Variants in TEKT4 observed in about 807,000 individuals in gnomAD.
TEKT4 encodes tektin 4.
A neutral mutation model predicts 46.0 loss-of-function variants in TEKT4; 46 were observed. The ratio of observed to expected loss-of-function variants is 1.00; its 90% CI spans 0.79 to 1.28. The LOEUF is 1.28. TEKT4 is among the 50% of genes most tolerant of loss of function. The pLI is 0.00. For missense variants in TEKT4, 790 were observed against 622.9 expected (o/e 1.27, Z -2.85); for synonymous variants, 325 against 265.8 (o/e 1.22, Z -2.17).
chr2:94,873,598 GAGGGCTGCCCA>G lies in TEKT4; in HGVS notation c.569+13_569+23del, dbSNP rs1558605968. 6.2e-7 allele frequency: 1 copy of G among 1,613,632 alleles called. No homozygotes were observed. Among genetic ancestry groups the G allele is most frequent in the Admixed American group, 1.7e-5 (1 of 60,026 alleles). On this transcript the variant is annotated intron_variant, in intron 2 of 5. Coordinates refer to ENST00000295201, the MANE Select transcript of TEKT4 (RefSeq NM_144705.4). The stretch of plus-strand genomic sequence containing the variant: ...AGCAGTGAGCCAGATCCGGTGGGTA[GAGGGCTGCCCA>G]AGGGATGATTCCTGACCCTACCCAC...
chr2:94,873,933 A>T, intron 2 of TEKT4, 32 bp from the exon 3 acceptor site: 1 of 1,555,966 alleles, frequency 6.4e-7, no homozygotes, highest in South Asian at 1.1e-5. Context: ...CTCCCTGGGC[A>T]CACATCAAGG....
chr2:94,876,699 T>C lies in TEKT4; in HGVS notation c.1238T>C (p.Ile413Thr). The change falls in exon 6 of 6, where the codon ATC (isoleucine) becomes ACC (threonine). Residue 413 changes from isoleucine to threonine, a missense_variant. Coordinates refer to ENST00000295201, the MANE Select transcript of TEKT4 (RefSeq NM_144705.4). ...GCCGCCATGACCAACAGTCTCTTCA[T>C]CGACCGCCAGAAGTGCATGGCCCAT... ...DIAAMTNSLF[I>T]DRQKCMAHRT... 6.2e-7 allele frequency: 1 copy of C among 1,612,944 alleles called. No homozygotes were observed. The highest frequency in any genetic ancestry group is 1.1e-5 in the South Asian group (1 of 91,072).
intron 1 of TEKT4, chr2:94,872,840 G>A: frequency 7.8e-7 from 1 of 1,289,264 alleles, no homozygotes; most frequent in Non-Finnish European, 1.0e-6. Flanking sequence ...CACTCTCTCA[G>A]TGCCTCAAGA....
rs782381131 is a variant in TEKT4, at chr2:94,876,700, C to T, written c.1239C>T (p.Ile413=). ...DIAAMTNSLF[I]DRQKCMAHRT... is the part of the protein sequence containing the mutation. ...CCGCCATGACCAACAGTCTCTTCATCGACCGCCAGAAGTGCATGGCCCATC... is the reference window on the plus strand; with the variant it reads ...CCGCCATGACCAACAGTCTCTTCATTGACCGCCAGAAGTGCATGGCCCATC... Residue 413 remains isoleucine, a synonymous_variant, in exon 6 of 6, where the codon ATC becomes ATT. Coordinates refer to ENST00000295201, the MANE Select transcript of TEKT4 (RefSeq NM_144705.4). The T allele has an allele frequency of 8.1e-6, 13 of 1,612,730 alleles. No individual in the cohort carries two copies. In the East Asian group the frequency reaches 1.3e-4, roughly 17 times the overall value.
At chr2:94,873,733 A>C in intron 2 of TEKT4, 143 bp downstream of exon 2, 1 of 1,280,578 alleles carries the variant, frequency 7.8e-7, no homozygotes, top group South Asian at 1.4e-5. Context: ...TGGGTGGGGG[A>C]GGTTCCGGCG....
In TEKT4 at chr2:94,874,042, G is replaced by A; in HGVS notation, c.647G>A (p.Cys216Tyr). Residue 216 changes from cysteine (C) to tyrosine (Y), a missense_variant, in exon 3 of 6, where the codon TGC (cysteine) becomes TAC (tyrosine). By Grantham distance (194) the Cys-to-Tyr change is radical. Transcript: ENST00000295201. ...GAGGCCTACAACATCGACGAGACCT[G>A]CGGGCGCCACCACAGCCAGAGCACC... is the stretch of plus-strand genomic sequence containing the variant. ...KMEAYNIDET[C>Y]GRHHSQSTEV... 1 of 1,613,810 alleles carries A rather than the reference G, an allele frequency of 6.2e-7. No individual in the cohort carries two copies. Among genetic ancestry groups the A allele is most frequent in the Non-Finnish European group, 8.5e-7 (1 of 1,179,992 alleles).
Position 94,872,097 on chromosome 2 carries a change from G to C in TEKT4, c.498+20G>C. 1 of 1,518,612 alleles carries C rather than the reference G, an allele frequency of 6.6e-7. No homozygotes were observed. Among genetic ancestry groups the C allele is most frequent in the Non-Finnish European group, 8.8e-7 (1 of 1,133,686 alleles). The allele number at this position is 1,518,612 out of a possible 1,614,324, so 94.1% of individuals were successfully genotyped here. A position where few individuals can be genotyped will look rare whatever the true frequency, so the allele number is the denominator to read the frequency against. Reference sequence around the variant, plus strand: ...CTGAAGGTGCCAGCACCCTTGGGTGGCCGGGATTTGTGGGCGCAGAGAGGA... The same window carrying C: ...CTGAAGGTGCCAGCACCCTTGGGTGCCCGGGATTTGTGGGCGCAGAGAGGA... On this transcript the variant is annotated intron_variant, in intron 1 of 5. Coordinates refer to ENST00000295201, the MANE Select transcript of TEKT4 (RefSeq NM_144705.4).
In TEKT4 at chr2:94,876,552, G is replaced by C; in HGVS notation, c.1092-1G>C. Reference sequence around the variant, plus strand: ...GGCTCACACCCCCCCAACACCCCCAGGCTGTTGAGTGAGGTGGAGGAGCTG... The same window carrying C: ...GGCTCACACCCCCCCAACACCCCCACGCTGTTGAGTGAGGTGGAGGAGCTG... On this transcript the variant is annotated splice_acceptor_variant, in intron 5 of 5. Coordinates refer to ENST00000295201, the MANE Select transcript of TEKT4 (RefSeq NM_144705.4). LOFTEE classifies it high-confidence loss of function. 1 of 1,603,496 alleles carries C rather than the reference G, an allele frequency of 6.2e-7. No homozygotes were observed.
chr2:94,876,647 A>G lies in TEKT4; in HGVS notation c.1186A>G (p.Ile396Val). 6.2e-7 allele frequency: 1 copy of G among 1,613,470 alleles called. No individual in the cohort carries two copies. ...AEQSLRNLED[I>V]HMSLEKDIAA... Reference sequence around the variant, plus strand: ...GCAGTCCCTGCGCAACCTCGAGGACATCCACATGAGCCTGGAGAAGGACAT... The same window carrying G: ...GCAGTCCCTGCGCAACCTCGAGGACGTCCACATGAGCCTGGAGAAGGACAT... Residue 396 changes from isoleucine to valine, a missense_variant, in exon 6 of 6, where the codon ATC becomes GTC. Physicochemically the swap from Ile to Val is conservative, Grantham distance 29. Transcript: ENST00000295201.
rs1558604206 is a variant in TEKT4 at position 94,872,084 on chromosome 2, G to C, written c.498+7G>C. ...GGAAACGGAGCTGCTGAAGGTGCCA[G>C]CACCCTTGGGTGGCCGGGATTTGTG... On this transcript the variant is annotated splice_region_variant and intron_variant, in intron 1 of 5. Coordinates refer to ENST00000295201, the MANE Select transcript of TEKT4 (RefSeq NM_144705.4). 6.5e-7 allele frequency: 1 copy of C among 1,532,094 alleles called. No homozygotes were observed. The highest frequency in any genetic ancestry group is 2.0e-5 in the Admixed American group (1 of 50,464). 94.9% of individuals were successfully genotyped at this position (1,532,094 alleles called of 1,614,324 possible).
intron 1 of TEKT4, 102 bp downstream of exon 1, chr2:94,872,179 G>A (rs1348150285): frequency 1.8e-5 from 25 of 1,409,108 alleles, no homozygotes; most frequent in Admixed American, 1.2e-4. Context: ...GCAAGCACGC[G>A]GGAGCCCAGC....
intron 5 of TEKT4, 64 bp from the exon 6 acceptor site, chr2:94,876,489 C>T (rs1161751473): frequency 2.3e-5 from 33 of 1,461,454 alleles, no homozygotes; most frequent in Admixed American, 2.0e-4. Context: ...GGGTCCCCTA[C>T]ACCCCGGTAG....
At chr2:94,875,858 G>C (rs1490653755) in intron 5 of TEKT4, 116 bp downstream of exon 5, 5 of 1,103,578 alleles carry the variant, frequency 4.5e-6, no homozygotes, top group Non-Finnish European at 6.5e-6. Context: ...TGCTGAGAGG[G>C]GAGGGAGACT....
intron 1 of TEKT4, chr2:94,872,974 A>T: frequency 7.8e-7 from 1 of 1,289,476 alleles, no homozygotes; most frequent in Non-Finnish European, 1.0e-6. Flanking sequence ...GCCCTGGCAC[A>T]CAAGGAAGTA....
At chr2:94,875,900 TAAAC>T (rs1680828594) in intron 5 of TEKT4, among the ~76,000 whole-genome samples, 158 bp downstream of exon 5, 1 of 152,190 alleles carries the variant, frequency 6.6e-6, no homozygotes, top group Non-Finnish European at 1.5e-5. Flanking sequence ...AGGCATGCCT[TAAAC>T]ACACAGACAT....
chr2:94,873,335 C>A (rs1291429331), intron 1 of TEKT4, 185 bp from the exon 2 acceptor site: 15 of 1,448,434 alleles, frequency 1.0e-5, no homozygotes, highest in Non-Finnish European at 1.4e-5. Context: ...TTACAACGCA[C>A]CAAGGAGAAT....
intron 1 of TEKT4, chr2:94,873,237 C>A: frequency 3.1e-6 from 4 of 1,302,562 alleles, no homozygotes; most frequent in Non-Finnish European, 3.9e-6. Flanking sequence ...TGAGCAGCAG[C>A]GATGACTCCT....
intron 5 of TEKT4, 133 bp from the exon 6 acceptor site, chr2:94,876,420 G>C: frequency 1.4e-6 from 1 of 719,550 alleles, no homozygotes; most frequent in Non-Finnish European, 2.3e-6. Flanking sequence ...CTGCTTTCCT[G>C]ATGGGGTTCT....
chr2:94,876,652 C>T lies in TEKT4; in HGVS notation c.1191C>T (p.His397=), dbSNP rs1261007246. ...EQSLRNLEDI[H]MSLEKDIAAM... ...CCCTGCGCAACCTCGAGGACATCCA[C>T]ATGAGCCTGGAGAAGGACATTGCCG... Residue 397 remains histidine (H), a synonymous_variant, in exon 6 of 6, where the codon CAC becomes CAT. Coordinates refer to ENST00000295201, the MANE Select transcript of TEKT4 (RefSeq NM_144705.4). 20 of 1,613,350 alleles carry T rather than the reference C, an allele frequency of 1.2e-5. No individual in the cohort carries two copies. The highest frequency in any genetic ancestry group is 2.7e-5 in the African/African-American group (2 of 74,942).
Sources: allele counts gnomAD v4.1 joint callset (sites outside exome capture counted in the v4.1 genomes callset), GRCh38; gene constraint gnomAD v4.1.1; transcripts MANE v1.5; gene names NCBI Gene and HGNC (gene_info 2026-07-23, HGNC 2026-07-21).